WWOX: variants seen among roughly 807,000 people sequenced by gnomAD.
WWOX encodes WW domain containing oxidoreductase.
Under a neutral mutation model 46.2 loss-of-function variants are expected in WWOX, and 69 were observed. The observed-to-expected ratio is 1.49, with a 90% CI of 1.23 to 1.82. WWOX has a LOEUF of 1.82. Among genes scored for constraint, WWOX ranks in the 40% most tolerant of loss-of-function variants. The pLI, the probability that WWOX is intolerant of heterozygous loss-of-function variation, is 0.00. For synonymous variants in WWOX, 359 were observed against 202.6 expected (o/e 1.77, Z -6.56); for missense variants, 919 against 542.6 (o/e 1.69, Z -6.89).
intron 5 of WWOX, among the ~76,000 whole-genome samples, chr16:78,310,857 A>G (rs1276826959): frequency 6.6e-6 from 1 of 152,156 alleles, no homozygotes; most frequent in Non-Finnish European, 1.5e-5. Flanking sequence ...AGCCTCTGTA[A>G]CGCAGCCCCA....
intron 6 of WWOX, among the ~76,000 whole-genome samples, chr16:78,402,690 A>G (rs1402995942): frequency 2.6e-5 from 4 of 152,162 alleles, no homozygotes; most frequent in Non-Finnish European, 2.9e-5. Context: ...ACAAGAGACA[A>G]GGTGTTACAT....
intron 5 of WWOX, among the ~76,000 whole-genome samples, chr16:78,330,136 C>T (rs531378176): frequency 2.3e-4 from 35 of 152,154 alleles, no homozygotes; most frequent in South Asian, 1.0e-3. Context: ...AATGCCTAAA[C>T]GTTTGAAAAC....
chr16:78,877,678 G>A (rs954475556), intron 8 of WWOX, among the ~76,000 whole-genome samples: 1 of 152,138 alleles, frequency 6.6e-6, no homozygotes, highest in Non-Finnish European at 1.5e-5. Context: ...CTAGAAGAAT[G>A]TAAGTTTGTA....
At chr16:78,318,271 A>ATTTTTTTTT (rs1567497119) in intron 5 of WWOX, among the ~76,000 whole-genome samples, 3 of 75,730 alleles carry the variant, frequency 4.0e-5, no homozygotes, top group Non-Finnish European at 7.2e-5. Flanking sequence ...GTCTGGGAGG[A>ATTTTTTTTT]ATTTTTTTTT....
At chr16:78,606,851 A>C (rs1274586481) in intron 8 of WWOX, among the ~76,000 whole-genome samples, 2 of 151,958 alleles carry the variant, frequency 1.3e-5, no homozygotes, top group Non-Finnish European at 1.5e-5. Flanking sequence ...GTTGAATGTA[A>C]CTGAGTACCT....
At chr16:78,172,838 C>T (rs191481455) in intron 5 of WWOX, among the ~76,000 whole-genome samples, 32 of 152,286 alleles carry the variant, frequency 2.1e-4, no homozygotes, top group African/African-American at 6.3e-4. Context: ...TTTGAAGAGA[C>T]GGATTTCATG....
At chr16:78,981,021 C>T (rs934298689) in intron 8 of WWOX, among the ~76,000 whole-genome samples, 13 of 152,148 alleles carry the variant, frequency 8.5e-5, no homozygotes, top group African/African-American at 2.2e-4. Flanking sequence ...CGCTGTGTTG[C>T]GTCATCATGG....
chr16:78,211,511 C>T (rs372403420), intron 5 of WWOX, among the ~76,000 whole-genome samples: 5 of 152,094 alleles, frequency 3.3e-5, no homozygotes, highest in Admixed American at 1.3e-4. Flanking sequence ...ATAAAGTCCC[C>T]GGCATCTTGA....
At chr16:78,570,865 G>A (rs369165744) in intron 8 of WWOX, among the ~76,000 whole-genome samples, 16 of 152,282 alleles carry the variant, frequency 1.1e-4, no homozygotes, top group East Asian at 3.9e-4. Flanking sequence ...TGGAAAGCAC[G>A]GGCAGGTAAG....
At chr16:79,077,992 C>T (rs1388258013) in intron 8 of WWOX, 2 of 152,078 alleles carry the variant, frequency 1.3e-5, no homozygotes, top group Non-Finnish European at 1.5e-5. Flanking sequence ...CTTGTGGCTA[C>T]CTTGGGAGGT....
intron 8 of WWOX, among the ~76,000 whole-genome samples, chr16:79,181,650 C>A (rs184229640): frequency 3.0e-4 from 45 of 152,144 alleles, no homozygotes; most frequent in Middle Eastern, 3.4e-3. Context: ...TGGGTGGTAT[C>A]CAGTTCTTTG....
At chr16:78,622,986 G>A (rs1416002379) in intron 8 of WWOX, among the ~76,000 whole-genome samples, 3 of 152,090 alleles carry the variant, frequency 2.0e-5, no homozygotes, top group Admixed American at 1.3e-4. Flanking sequence ...GTGCCCTAAG[G>A]AAGCCAGCAA....
chr16:78,741,169 A>G (rs754317382), intron 8 of WWOX, among the ~76,000 whole-genome samples: 4 of 152,188 alleles, frequency 2.6e-5, no homozygotes, highest in Non-Finnish European at 4.4e-5. Context: ...TAGTTGTGAC[A>G]GAGACCATTT....
chr16:79,021,815 C>T (rs556219571), intron 8 of WWOX, among the ~76,000 whole-genome samples: 12 of 152,184 alleles, frequency 7.9e-5, no homozygotes, highest in South Asian at 2.1e-4. Flanking sequence ...AAGGAGTCTG[C>T]ACTAGCTTGT....
At chr16:78,861,296 G>C (rs1033785862) in intron 8 of WWOX, among the ~76,000 whole-genome samples, 3 of 152,172 alleles carry the variant, frequency 2.0e-5, no homozygotes, top group African/African-American at 7.2e-5. Context: ...CCCAGTCCAT[G>C]CATCCATCCA....
At chr16:78,101,363 T>TTTTTTTTTTA (rs1555533361) in intron 1 of WWOX, among the ~76,000 whole-genome samples, 1 of 143,422 alleles carries the variant, frequency 7.0e-6, no homozygotes, top group African/African-American at 2.5e-5. Flanking sequence ...TTTTTTTTTT[T>TTTTTTTTTTA]AAAGACAGGG....
chr16:78,277,158 T>C (rs1183683455), intron 5 of WWOX, among the ~76,000 whole-genome samples: 3 of 152,108 alleles, frequency 2.0e-5, no homozygotes, highest in Non-Finnish European at 4.4e-5. Flanking sequence ...CAAGTTTAAA[T>C]CTTATTTAAA....
chr16:78,840,329 G>C (rs559658733), intron 8 of WWOX, among the ~76,000 whole-genome samples: 11 of 152,238 alleles, frequency 7.2e-5, no homozygotes, highest in Admixed American at 3.9e-4. Context: ...AGCGATTCTT[G>C]TGTGAATTCA....
At chr16:79,175,841 G>C (rs1321183719) in intron 8 of WWOX, among the ~76,000 whole-genome samples, 6 of 152,072 alleles carry the variant, frequency 3.9e-5, no homozygotes, top group Non-Finnish European at 5.9e-5. Context: ...CACACATCCT[G>C]CTCCCCACTC....
Sources: allele counts gnomAD v4.1 joint callset (sites outside exome capture counted in the v4.1 genomes callset), GRCh38; gene constraint gnomAD v4.1.1; transcripts MANE v1.5; gene names NCBI Gene and HGNC (gene_info 2026-07-23, HGNC 2026-07-21).